The following CPEB1 variants were observed in gnomAD, a reference collection of about 807,000 sequenced individuals.
CPEB1 encodes cytoplasmic polyadenylation element binding protein 1, also known as cytoplasmic polyadenylation element-binding protein 1.
In CPEB1, 7 loss-of-function variants were observed where a neutral mutation model predicts 65.8. That is an observed-to-expected ratio of 0.11 (90% CI 0.06 to 0.20). The LOEUF is 0.20. Among genes scored for constraint, CPEB1 ranks in the 10% least tolerant of loss-of-function variants. The pLI, the probability that CPEB1 is intolerant of heterozygous loss-of-function variation, is 1.00. For synonymous variants in CPEB1, 262 were observed against 260.0 expected (o/e 1.01, Z -0.08); for missense variants, 551 against 712.2 (o/e 0.77, Z 2.58).
At chr15:82,592,763 G>A (rs72751661) in intron 3 of CPEB1, among the ~76,000 whole-genome samples, 5,573 of 152,120 alleles carry the variant, frequency 0.037, 144 homozygotes, top group Non-Finnish European at 0.062. Context: ...CCAAAGTGCC[G>A]AGGTGGGCAG....
At chr15:82,577,482 A>G (rs1329438601) in intron 3 of CPEB1, among the ~76,000 whole-genome samples, 1 of 152,224 alleles carries the variant, frequency 6.6e-6, no homozygotes, top group African/African-American at 2.4e-5. Context: ...GTCTAAGTGA[A>G]GGACAGACAT....
At chr15:82,566,129 T>C (rs1318753941) in intron 4 of CPEB1, among the ~76,000 whole-genome samples, 1 of 152,022 alleles carries the variant, frequency 6.6e-6, no homozygotes, top group East Asian at 1.9e-4. Context: ...TCCCCAAGAG[T>C]ACAAAGGCAC....
intron 3 of CPEB1, among the ~76,000 whole-genome samples, chr15:82,605,615 T>C (rs1309298981): frequency 6.6e-6 from 1 of 152,210 alleles, no homozygotes; most frequent in African/African-American, 2.4e-5. Flanking sequence ...TCACAGCGTA[T>C]ACATATATCA....
At chr15:82,632,275 C>T (rs2046323353) in intron 1 of CPEB1, among the ~76,000 whole-genome samples, 1 of 151,956 alleles carries the variant, frequency 6.6e-6, no homozygotes, top group South Asian at 2.1e-4. Context: ...AGCCACTGCG[C>T]CCAGCCAAAT....
chr15:82,584,446 G>C (rs2041586720), intron 3 of CPEB1, among the ~76,000 whole-genome samples: 1 of 151,902 alleles, frequency 6.6e-6, no homozygotes. Flanking sequence ...GGGAGGCAAA[G>C]GTAGGTGGAT....
chr15:82,552,299 C>CT (rs112872369), intron 9 of CPEB1, among the ~76,000 whole-genome samples, 181 bp downstream of exon 9: 38,421 of 139,208 alleles, frequency 0.28, 6,435 homozygotes, highest in African/African-American at 0.49. Context: ...CCAAAGGTTG[C>CT]TTTTTTTTTT....
intron 3 of CPEB1, among the ~76,000 whole-genome samples, chr15:82,593,217 GT>G (rs1363881943): frequency 1.3e-5 from 2 of 152,162 alleles, no homozygotes; most frequent in Admixed American, 6.5e-5. Context: ...ATGTGATGCT[GT>G]TTGATAACAT....
chr15:82,564,616 G>A (rs1291443613), intron 4 of CPEB1, among the ~76,000 whole-genome samples: 1 of 152,184 alleles, frequency 6.6e-6, no homozygotes, highest in Non-Finnish European at 1.5e-5. Flanking sequence ...TTGACTTAGA[G>A]TGTAATACAG....
intron 4 of CPEB1, among the ~76,000 whole-genome samples, chr15:82,559,444 T>C (rs72751643): frequency 0.17 from 25,472 of 152,162 alleles, 2,608 homozygotes; most frequent in Non-Finnish European, 0.24. Flanking sequence ...GAGACTGTCA[T>C]AATACTGTTT....
chr15:82,626,634 G>A (rs1357729310), intron 3 of CPEB1, among the ~76,000 whole-genome samples: 1 of 152,128 alleles, frequency 6.6e-6, no homozygotes, highest in Admixed American at 6.6e-5. Flanking sequence ...AATAGATACA[G>A]AAACTAAATG....
intron 3 of CPEB1, among the ~76,000 whole-genome samples, chr15:82,595,499 C>A (rs979009366): frequency 6.6e-6 from 1 of 152,152 alleles, no homozygotes; most frequent in East Asian, 1.9e-4. Flanking sequence ...TGTAAAGAGG[C>A]TCCACTGTTC....
At chr15:82,604,308 CCT>C (rs1463475839) in intron 3 of CPEB1, among the ~76,000 whole-genome samples, 1 of 151,968 alleles carries the variant, frequency 6.6e-6, no homozygotes, top group Non-Finnish European at 1.5e-5. Context: ...AGGGTGAAAC[CCT>C]GTCTCTACTA....
At chr15:82,625,534 C>A (rs2045685370) in intron 3 of CPEB1, among the ~76,000 whole-genome samples, 1 of 152,148 alleles carries the variant, frequency 6.6e-6, no homozygotes, top group African/African-American at 2.4e-5. Context: ...GGTTCCAGGA[C>A]CCCCAGAGTA....
intron 3 of CPEB1, among the ~76,000 whole-genome samples, chr15:82,623,678 GA>G (rs892942789): frequency 6.6e-6 from 1 of 150,974 alleles, no homozygotes; most frequent in Non-Finnish European, 1.5e-5. Context: ...TCCGTCTCAG[GA>G]AAAAAAAATT....
chr15:82,613,809 C>G (rs1219368304), intron 3 of CPEB1, among the ~76,000 whole-genome samples: 3 of 152,136 alleles, frequency 2.0e-5, no homozygotes, highest in African/African-American at 7.2e-5. Context: ...AAGCTCCCCC[C>G]GGGGAGAGAG....
rs144779125 is a variant in CPEB1 at position 82,642,110 on chromosome 15, G to T, written c.-98+5027C>A. On this transcript the variant is annotated intron_variant, in intron 1 of 12. Coordinates refer to ENST00000684509, the MANE Select transcript of CPEB1 (RefSeq NM_001365242.1). The stretch of plus-strand genomic sequence containing the variant: ...ATTGAGAAATGCACTGTTGGGGCAG[G>T]TCCTATCTTCAACATAAAAACTTTC... 9.8e-3 allele frequency among the ~76,000 whole-genome samples: 1,495 copies of T among 152,310 alleles called. 10 individuals carry two copies. Among genetic ancestry groups the T allele is most frequent in the Non-Finnish European group, 0.015 (1,030 of 68,028 alleles).
chr15:82,592,133 C>T (rs778528344), intron 3 of CPEB1, among the ~76,000 whole-genome samples: 5 of 152,116 alleles, frequency 3.3e-5, no homozygotes, highest in African/African-American at 4.8e-5. Flanking sequence ...GGAGCCACCA[C>T]GCCCAGCCAG....
upstream of CPEB1, chr15:82,647,572 C>T (rs1449920959): frequency 1.9e-5 from 6 of 314,646 alleles, no homozygotes. Context: ...TCGAGGCCGC[C>T]TGGAGGCCGC....
Position 82,605,229 on chromosome 15 carries a change from T to G in CPEB1, c.271+21964A>C, listed in dbSNP as rs1053017678. ...AGCAGACCTCCCCTACAACAAATACTAAAGAGCATCTTTCCCAGTGAAGTG... is the reference window on the plus strand; with the variant it reads ...AGCAGACCTCCCCTACAACAAATACGAAAGAGCATCTTTCCCAGTGAAGTG... On this transcript the variant is annotated intron_variant, in intron 3 of 12. Transcript: ENST00000684509. Among the ~76,000 whole-genome samples, 7 of 152,214 alleles carry G rather than the reference T, an allele frequency of 4.6e-5. No individual in the cohort carries two copies. In the East Asian group the frequency reaches 5.8e-4, roughly 13 times the overall value.
Sources: allele counts gnomAD v4.1 joint callset (sites outside exome capture counted in the v4.1 genomes callset), GRCh38; gene constraint gnomAD v4.1.1; transcripts MANE v1.5; gene names NCBI Gene and HGNC (gene_info 2026-07-23, HGNC 2026-07-21).